TMOD3: variants seen among roughly 807,000 people sequenced by gnomAD.
TMOD3 encodes tropomodulin 3.
In TMOD3, 20 loss-of-function variants were observed where a neutral mutation model predicts 39.2. The ratio of observed to expected loss-of-function variants is 0.51; its 90% confidence interval spans 0.36 to 0.74. The LOEUF (loss-of-function observed/expected upper bound fraction) is 0.74. Among genes scored for constraint, TMOD3 ranks in the 30% least tolerant of loss-of-function variants. The probability of loss-of-function intolerance (pLI) is 0.00; values close to 1 mark genes in which losing one functional copy is unlikely to be tolerated. For synonymous variants in TMOD3, 143 were observed against 145.8 expected (o/e 0.98, Z 0.14); for missense variants, 381 against 412.8 (o/e 0.92, Z 0.67).
intron 1 of TMOD3, among the ~76,000 whole-genome samples, chr15:51,849,488 G>A (rs1368012586): frequency 6.6e-6 from 1 of 152,176 alleles, no homozygotes; most frequent in Non-Finnish European, 1.5e-5. Context: ...TAAGTACTGG[G>A]GGCACTCCAA....
chr15:51,847,820 A>G (rs1236683201), intron 1 of TMOD3, among the ~76,000 whole-genome samples: 2 of 138,124 alleles, frequency 1.4e-5, no homozygotes, highest in African/African-American at 3.1e-5. Context: ...TAGAAGGTAA[A>G]TATGTGTGCC....
chr15:51,846,020 A>G (rs1253349421), intron 1 of TMOD3, among the ~76,000 whole-genome samples: 1 of 152,042 alleles, frequency 6.6e-6, no homozygotes, highest in Non-Finnish European at 1.5e-5. Flanking sequence ...ATTAAAATTT[A>G]AAAGTACACT....
intron 3 of TMOD3, among the ~76,000 whole-genome samples, chr15:51,883,720 A>G (rs1417390749): frequency 6.6e-6 from 1 of 152,152 alleles, no homozygotes; most frequent in Non-Finnish European, 1.5e-5. Flanking sequence ...GATTAACTAA[A>G]CCAGCATCTC....
rs1346403343 is a variant in TMOD3, at chr15:51,863,074, C to T, written c.126+64C>T. 13 of 1,522,134 alleles carry T rather than the reference C, an allele frequency of 8.5e-6. No individual in the cohort carries two copies. In the East Asian group the frequency reaches 3.0e-4, roughly 35 times the overall value. 94.3% of individuals were successfully genotyped at this position (1,522,134 alleles called of 1,614,324 possible). ...CGAATTCTTTGAAACTCAGTAGCTG[C>T]CTTTGAGCTTTTCCATGACTTTTCT... On this transcript the variant is annotated intron_variant, in intron 2 of 9. Transcript: ENST00000308580.
intron 1 of TMOD3, among the ~76,000 whole-genome samples, chr15:51,845,719 C>G (rs2056332444): frequency 6.6e-6 from 1 of 152,064 alleles, no homozygotes; most frequent in African/African-American, 2.4e-5. Flanking sequence ...ATCACTCCAG[C>G]CTGGGTGATA....
intron 3 of TMOD3, among the ~76,000 whole-genome samples, chr15:51,882,158 G>A (rs186303599): frequency 4.6e-5 from 7 of 151,944 alleles, no homozygotes; most frequent in East Asian, 2.0e-4. Context: ...GCCTCCCAAC[G>A]TGCTGGGATT....
chr15:51,860,315 G>A, intron 1 of TMOD3: 1 of 535,742 alleles, frequency 1.9e-6, no homozygotes. Context: ...TTTCATAGAT[G>A]ATCCGTGCCA....
At position 51,863,128 on chromosome 15, in the gene TMOD3, T is replaced by G. The variant is rs1001203810; in HGVS notation, c.126+118T>G. On this transcript the variant is annotated intron_variant, in intron 2 of 9. Transcript: ENST00000308580. ...GCACCTTCCACCCTTTCCTCCACTT[T>G]ATCCAAATCAAGTTGCTTTTGGCTC... The G allele has an allele frequency of 3.9e-6, 4 of 1,026,848 alleles. No homozygotes were observed. The Admixed American group carries it at 8.1e-5, about 21-fold the overall frequency. The allele number at this position is 1,026,848 out of a possible 1,614,324, so 63.6% of individuals were successfully genotyped here.
intron 3 of TMOD3, among the ~76,000 whole-genome samples, chr15:51,882,786 G>A (rs1310193512): frequency 6.6e-6 from 1 of 151,822 alleles, no homozygotes; most frequent in Non-Finnish European, 1.5e-5. Context: ...GGGTTTCCAT[G>A]TGAATTTTAG....
chr15:51,855,195 G>A (rs542201891), intron 1 of TMOD3, among the ~76,000 whole-genome samples: 1 of 152,378 alleles, frequency 6.6e-6, no homozygotes, highest in South Asian at 2.1e-4. Flanking sequence ...AGTATGAGAT[G>A]TAGTTGTCAG....
intron 1 of TMOD3, chr15:51,859,210 C>T: frequency 1.4e-6 from 1 of 737,294 alleles, no homozygotes; most frequent in Admixed American, 1.7e-5. Flanking sequence ...TGATACATAG[C>T]ATGTTTAGCT....
intron 5 of TMOD3, among the ~76,000 whole-genome samples, chr15:51,893,294 C>CAAA (rs59321162): frequency 3.4e-5 from 2 of 58,992 alleles, no homozygotes; most frequent in Non-Finnish European, 5.8e-5. Context: ...GACTCCATCT[C>CAAA]AAAAAAAAAA....
chr15:51,890,483 T>C (rs1468578607), intron 5 of TMOD3, among the ~76,000 whole-genome samples: 1 of 152,070 alleles, frequency 6.6e-6, no homozygotes, highest in East Asian at 1.9e-4. Context: ...GGCCAACTGT[T>C]TTTGAATGCT....
chr15:51,872,104 A>G (rs2056477740), intron 3 of TMOD3, among the ~76,000 whole-genome samples: 1 of 152,190 alleles, frequency 6.6e-6, no homozygotes, highest in Non-Finnish European at 1.5e-5. Context: ...GGTAACGATA[A>G]CATCAGCAGC....
intron 2 of TMOD3, 147 bp downstream of exon 2, chr15:51,863,157 C>T: frequency 1.4e-6 from 1 of 708,870 alleles, no homozygotes; most frequent in Non-Finnish European, 2.3e-6. Context: ...TTGGCTCTCT[C>T]TCCAGTTCCC....
intron 4 of TMOD3, among the ~76,000 whole-genome samples, chr15:51,888,492 G>C (rs2056576725): frequency 6.6e-6 from 1 of 152,110 alleles, no homozygotes; most frequent in Non-Finnish European, 1.5e-5. Context: ...TCTGACTTCT[G>C]CCTTATTTGT....
At chr15:51,836,840 C>T (rs2056287119) in intron 1 of TMOD3, among the ~76,000 whole-genome samples, 1 of 152,058 alleles carries the variant, frequency 6.6e-6, no homozygotes, top group Non-Finnish European at 1.5e-5. Flanking sequence ...TATATATGTT[C>T]AACACCTGCA....
intron 3 of TMOD3, among the ~76,000 whole-genome samples, chr15:51,883,398 T>A (rs1359001231): frequency 1.9e-4 from 29 of 152,204 alleles, no homozygotes; most frequent in Admixed American, 1.9e-3. Flanking sequence ...TTATGATGCT[T>A]TAGATTCCAT....
At chr15:51,830,828 C>T (rs776594585) in intron 1 of TMOD3, among the ~76,000 whole-genome samples, 4 of 152,174 alleles carry the variant, frequency 2.6e-5, no homozygotes, top group Non-Finnish European at 4.4e-5. Context: ...TTTGCCAAGT[C>T]TCATTTACTC....
Sources: allele counts gnomAD v4.1 joint callset (sites outside exome capture counted in the v4.1 genomes callset), GRCh38; gene constraint gnomAD v4.1.1; transcripts MANE v1.5; gene names NCBI Gene and HGNC (gene_info 2026-07-23, HGNC 2026-07-21).